The following CNNM2 variants were observed in gnomAD, a reference collection of about 807,000 sequenced individuals.
CNNM2 encodes the protein cyclin and CBS domain divalent metal cation transport mediator 2.
CNNM2 carries 12 observed loss-of-function variants against 66.9 expected under a neutral mutation model. The ratio of observed to expected loss-of-function variants is 0.18; its 90% CI spans 0.11 to 0.29. The LOEUF (loss-of-function observed/expected upper bound fraction) is 0.29. Ranked by LOEUF, CNNM2 falls within the 10% of genes least tolerant of loss-of-function variation. The probability of loss-of-function intolerance (pLI) is 1.00; values close to 1 mark genes in which losing one functional copy is unlikely to be tolerated. For synonymous variants in CNNM2, 557 were observed against 501.8 expected, an observed-to-expected ratio of 1.11 and a Z score of -1.47; for missense variants, 705 against 1,167.7, an observed-to-expected ratio of 0.60 and a Z score of 5.77.
chr10:102,986,641 A>G lies in CNNM2; in HGVS notation c.1622-63066A>G, dbSNP rs12777726. 0.41 allele frequency among the ~76,000 whole-genome samples: 61,574 copies of G among 151,292 alleles called. 12,737 individuals carry two copies. The highest frequency in any genetic ancestry group is 0.56 in the East Asian group (2,869 of 5,108). On this transcript the variant is annotated intron_variant, in intron 1 of 7. Coordinates refer to ENST00000369878, the MANE Select transcript of CNNM2 (RefSeq NM_017649.5). ...ACTTAAAAAAAAAAGTCAGCTGGGC[A>G]TGGTGGCAGGTACCTGTAGTCCCAG...
At chr10:102,990,123 T>G (rs903404049) in intron 1 of CNNM2, among the ~76,000 whole-genome samples, 1 of 151,804 alleles carries the variant, frequency 6.6e-6, no homozygotes, top group Admixed American at 6.6e-5. Context: ...TCTTTGTTGT[T>G]TTTTGTTTGT....
chr10:103,022,557 C>G (rs2064606985), intron 1 of CNNM2, among the ~76,000 whole-genome samples: 1 of 152,160 alleles, frequency 6.6e-6, no homozygotes, highest in African/African-American at 2.4e-5. Flanking sequence ...GGTAGGAATA[C>G]TTACACCATG....
At chr10:102,944,539 A>G (rs778372526) in intron 1 of CNNM2, among the ~76,000 whole-genome samples, 91 of 151,726 alleles carry the variant, frequency 6.0e-4, no homozygotes, top group Non-Finnish European at 1.1e-3. Flanking sequence ...CTCTTCATCT[A>G]CATTCACCAG....
Position 103,049,869 on chromosome 10 carries a change from G to A in CNNM2, c.1765+19G>A, listed in dbSNP as rs2065187549. The A allele has an allele frequency of 6.2e-7, 1 of 1,608,360 alleles. No individual in the cohort carries two copies. The highest frequency in any genetic ancestry group is 1.1e-5 in the South Asian group (1 of 90,382). On this transcript the variant is annotated intron_variant, in intron 2 of 7. Coordinates refer to ENST00000369878, the MANE Select transcript of CNNM2 (RefSeq NM_017649.5). ...TTATACAGTAAGTAGCATTGTCTGA[G>A]TGTATTTCCCGAAACCTTTGCTTTT...
At chr10:102,949,003 T>C (rs949641763) in intron 1 of CNNM2, among the ~76,000 whole-genome samples, 1 of 152,214 alleles carries the variant, frequency 6.6e-6, no homozygotes, top group Admixed American at 6.5e-5. Flanking sequence ...CATACGCTGC[T>C]CTCTTTTATG....
chr10:103,021,411 G>GA (rs1481024641), intron 1 of CNNM2, among the ~76,000 whole-genome samples: 2 of 152,172 alleles, frequency 1.3e-5, no homozygotes, highest in Admixed American at 6.5e-5. Flanking sequence ...CAAGGCTGCT[G>GA]AAAAATAAGG....
Position 102,958,459 on chromosome 10 carries a change from G to GTTTTTTTTTTTTTTTT in CNNM2, c.1621+38373_1621+38388dup, listed in dbSNP as rs33992570. Reference sequence around the variant, plus strand: ...GACTTGTTCTGAATTCAAGCAACTTGTTTTTTTTTTTTTTTTTTTTTTTTT... The same window carrying GTTTTTTTTTTTTTTTT: ...GACTTGTTCTGAATTCAAGCAACTTGTTTTTTTTTTTTTTTTTTTTTTTTTTTTTTTTTTTTTTTTT... On this transcript the variant is annotated intron_variant, in intron 1 of 7. Transcript: ENST00000369878. Among the ~76,000 whole-genome samples the GTTTTTTTTTTTTTTTT allele has an allele frequency of 3.9e-5, 2 of 51,702 alleles. 1 individual carries two copies. The highest frequency in any genetic ancestry group is 1.5e-4 in the African/African-American group (2 of 13,336). The allele number at this position is 51,702 out of a possible 152,430, so 33.9% of individuals were successfully genotyped here.
At chr10:102,988,456 G>C (rs1000170125) in intron 1 of CNNM2, among the ~76,000 whole-genome samples, 1 of 152,090 alleles carries the variant, frequency 6.6e-6, no homozygotes, top group Non-Finnish European at 1.5e-5. Flanking sequence ...AAGTGCTTTC[G>C]TTTGACCACA....
intron 1 of CNNM2, among the ~76,000 whole-genome samples, chr10:102,980,980 G>A (rs2063710246): frequency 6.6e-6 from 1 of 152,140 alleles, no homozygotes; most frequent in African/African-American, 2.4e-5. Flanking sequence ...TGTTTCGGAA[G>A]CACATCTCCT....
chr10:103,002,965 C>G (rs78459588), intron 1 of CNNM2, among the ~76,000 whole-genome samples: 1 of 152,140 alleles, frequency 6.6e-6, no homozygotes, highest in South Asian at 2.1e-4. Context: ...TTGTTCATAG[C>G]GGCATTATTT....
At chr10:103,012,776 C>T (rs1028307860) in intron 1 of CNNM2, among the ~76,000 whole-genome samples, 3 of 151,600 alleles carry the variant, frequency 2.0e-5, no homozygotes, top group Non-Finnish European at 4.4e-5. Flanking sequence ...CTGTACCACA[C>T]TGGCTAGAGT....
intron 1 of CNNM2, among the ~76,000 whole-genome samples, chr10:102,942,753 A>AATTTTTATTTTAT (rs1846474076): frequency 6.6e-6 from 1 of 152,240 alleles, no homozygotes; most frequent in Non-Finnish European, 1.5e-5. Flanking sequence ...AAAAATAGCA[A>AATTTTTATTTTAT]AACATTATAA....
In CNNM2 at chr10:103,082,423, A is replaced by T. The variant is rs1273133758; in HGVS notation, c.*5243A>T. ...GTCTTAGGATTCTCATTCCCCAGAG[A>T]GCCCCAGCCTCGCTTCTGATCATTA... is the stretch of plus-strand genomic sequence containing the variant. On this transcript the variant is annotated 3_prime_UTR_variant, in exon 8 of 8. Coordinates refer to ENST00000369878, the MANE Select transcript of CNNM2 (RefSeq NM_017649.5). The T allele has an allele frequency of 2.0e-5, 3 of 152,194 alleles. No individual in the cohort carries two copies. Among genetic ancestry groups the T allele is most frequent in the Non-Finnish European group, 4.4e-5 (3 of 68,030 alleles). The allele number at this position is 152,194 out of a possible 1,614,324, so 9.4% of individuals were successfully genotyped here. A position where few individuals can be genotyped will look rare whatever the true frequency, so the allele number is the denominator to read the frequency against.
At chr10:102,933,937 G>T (rs569182716) in intron 1 of CNNM2, among the ~76,000 whole-genome samples, 1 of 151,816 alleles carries the variant, frequency 6.6e-6, no homozygotes, top group East Asian at 1.9e-4. Context: ...GGGCACAAGC[G>T]ATCCTTCCAC....
At chr10:102,952,082 C>T (rs1229835684) in intron 1 of CNNM2, among the ~76,000 whole-genome samples, 1 of 151,960 alleles carries the variant, frequency 6.6e-6, no homozygotes, top group African/African-American at 2.4e-5. Context: ...GGATCACAGG[C>T]GTGAGCCACC....
intron 1 of CNNM2, among the ~76,000 whole-genome samples, chr10:103,032,807 A>T (rs1422157779): frequency 1.3e-5 from 2 of 151,806 alleles, no homozygotes; most frequent in Non-Finnish European, 2.9e-5. Flanking sequence ...TTAGGTGGTG[A>T]CTTTTTTCTT....
At chr10:103,002,350 A>G (rs1590376610) in intron 1 of CNNM2, among the ~76,000 whole-genome samples, 1 of 152,356 alleles carries the variant, frequency 6.6e-6, no homozygotes, top group East Asian at 1.9e-4. Flanking sequence ...CAAATGAACA[A>G]TAAGCACGTG....
intron 1 of CNNM2, among the ~76,000 whole-genome samples, chr10:102,986,951 A>G (rs1478401905): frequency 6.6e-6 from 1 of 152,138 alleles, no homozygotes; most frequent in Admixed American, 6.5e-5. Context: ...TCAAGTATAA[A>G]TTTCAGTAGT....
chr10:102,935,027 C>T (rs1201628984), intron 1 of CNNM2, among the ~76,000 whole-genome samples: 3 of 151,576 alleles, frequency 2.0e-5, no homozygotes, highest in African/African-American at 4.9e-5. Context: ...GGCATGGTGG[C>T]GGGCACCTGT....
Sources: allele counts gnomAD v4.1 joint callset (sites outside exome capture counted in the v4.1 genomes callset), GRCh38; gene constraint gnomAD v4.1.1; transcripts MANE v1.5; gene names NCBI Gene and HGNC (gene_info 2026-07-23, HGNC 2026-07-21).